Variants in RRH observed in about 807,000 individuals in gnomAD.
RRH encodes retinal pigment epithelium-derived rhodopsin homolog, also known as visual pigment-like receptor peropsin.
In RRH, 36 loss-of-function variants were observed where a neutral mutation model predicts 33.1. That is an observed-to-expected ratio of 1.09 (90% CI 0.83 to 1.44). The LOEUF is 1.44. Ranked by LOEUF, RRH falls within the 40% of genes most tolerant of loss-of-function variation. RRH has a pLI of 0.00. For synonymous variants in RRH, 124 were observed against 140.2 expected (o/e 0.88, Z 0.82); for missense variants, 393 against 420.2 (o/e 0.94, Z 0.57).
intron 6 of RRH, among the ~76,000 whole-genome samples, chr4:109,842,946 GT>G: frequency 6.6e-6 from 1 of 152,296 alleles, no homozygotes; most frequent in East Asian, 1.9e-4. Context: ...AGCCTGGGAT[GT>G]CAGTGGTCAG....
chr4:109,841,589 A>C (rs1327317985), intron 5 of RRH, among the ~76,000 whole-genome samples: 1 of 152,070 alleles, frequency 6.6e-6, no homozygotes, highest in Non-Finnish European at 1.5e-5. Context: ...GTTTTCTGGT[A>C]CCCTTTGTTA....
chr4:109,844,328 A>G lies in RRH; in HGVS notation c.*131A>G. The stretch of plus-strand genomic sequence containing the variant: ...ATGAGAGTGTAAGCTCCTCAAGCAC[A>G]GCTCGTGCTTCTGTTTGTGCACTCT... On this transcript the variant is annotated 3_prime_UTR_variant, in exon 7 of 7. Coordinates refer to ENST00000317735, the MANE Select transcript of RRH (RefSeq NM_006583.5). The G allele has an allele frequency of 1.5e-6, 1 of 652,488 alleles. No homozygotes were observed. The highest frequency in any genetic ancestry group is 2.1e-5 in the Admixed American group (1 of 46,812). 40.4% of individuals were successfully genotyped at this position (652,488 alleles called of 1,614,324 possible). A position where few individuals can be genotyped will look rare whatever the true frequency, so the allele number is the denominator to read the frequency against.
rs377627094 is a variant in RRH, at chr4:109,839,501, G to A, written c.720+1896G>A. Among the ~76,000 whole-genome samples, 11 of 152,132 alleles carry A rather than the reference G, an allele frequency of 7.2e-5. 1 individual carries two copies. Among genetic ancestry groups the A allele is most frequent in the East Asian group, 3.9e-4 (2 of 5,168 alleles). ...AAGTTCAGGGGTACATGTGCATGAC[G>A]TGTAGGTTTGTTACATAGGTAAACG... On this transcript the variant is annotated intron_variant, in intron 5 of 6. Transcript: ENST00000317735.
At position 109,842,657 on chromosome 4, in the gene RRH, G is replaced by A. The variant is rs764150616; in HGVS notation, c.899+10G>A. 2.5e-6 allele frequency: 4 copies of A among 1,603,156 alleles called. No individual in the cohort carries two copies. Among genetic ancestry groups the A allele is most frequent in the African/African-American group, 1.3e-5 (1 of 74,762 alleles). The stretch of plus-strand genomic sequence containing the variant: ...TGGTTGCTAATAAAAAGTAAGTAAT[G>A]TCTAAAATGCTTGCAGTACAAAATA... On this transcript the variant is annotated intron_variant, in intron 6 of 6. Transcript: ENST00000317735.
chr4:109,837,246 T>C (rs1733903026), intron 4 of RRH, among the ~76,000 whole-genome samples, 191 bp from the exon 5 acceptor site: 1 of 152,204 alleles, frequency 6.6e-6, no homozygotes, highest in African/African-American at 2.4e-5. Flanking sequence ...AGATGAGTGA[T>C]AGGCTGAAAT....
At chr4:109,828,654 T>C (rs1733686972) in intron 1 of RRH, among the ~76,000 whole-genome samples, 2 of 152,098 alleles carry the variant, frequency 1.3e-5, no homozygotes, top group Admixed American at 6.5e-5. Context: ...GCAGGGTATA[T>C]TGTCATTGAG....
At chr4:109,834,660 T>C (rs1187893396) in intron 2 of RRH, among the ~76,000 whole-genome samples, 1 of 151,790 alleles carries the variant, frequency 6.6e-6, no homozygotes, top group Non-Finnish European at 1.5e-5. Context: ...TTTTTTTCTG[T>C]CACAGATAAG....
rs1477877028 is a variant in RRH, at chr4:109,843,981, A to C, written c.900-102A>C. 3 of 758,230 alleles carry C rather than the reference A, an allele frequency of 4.0e-6. No individual in the cohort carries two copies. The African/African-American group carries it at 5.2e-5, about 13-fold the overall frequency. The allele number at this position is 758,230 out of a possible 1,614,324, so 47.0% of individuals were successfully genotyped here. ...AAGTTGGAGGCAGAAATTTATCCAG[A>C]GATGTAAATTGGCAGTAGTGGCATC... On this transcript the variant is annotated intron_variant, in intron 6 of 6. Transcript: ENST00000317735.
Position 109,844,388 on chromosome 4 carries a change from A to G in RRH, c.*191A>G. 2.0e-6 allele frequency: 1 copy of G among 498,602 alleles called. No individual in the cohort carries two copies. The highest frequency in any genetic ancestry group is 3.7e-6 in the Non-Finnish European group (1 of 273,406). The allele number at this position is 498,602 out of a possible 1,614,324, so 30.9% of individuals were successfully genotyped here. A position where few individuals can be genotyped will look rare whatever the true frequency, so the allele number is the denominator to read the frequency against. ...AGTGTATGCTTCTCTGTGTCCTGAT[A>G]TATCAACTTATTGCTCATCTCCTTT... is the stretch of plus-strand genomic sequence containing the variant. On this transcript the variant is annotated 3_prime_UTR_variant, in exon 7 of 7. Coordinates refer to ENST00000317735, the MANE Select transcript of RRH (RefSeq NM_006583.5).
chr4:109,836,005 A>G lies in RRH; in HGVS notation c.398-2A>G, dbSNP rs774150724. On this transcript the variant is annotated splice_acceptor_variant, in intron 3 of 6. Transcript: ENST00000317735. LOFTEE classifies it high-confidence loss of function. ...GCTAATATTTCCTGTGCTTGATAAT[A>G]GGGAGAAGAATGACCACCAACACTT... 8.1e-6 allele frequency: 13 copies of G among 1,614,056 alleles called. No homozygotes were observed. The highest frequency in any genetic ancestry group is 1.3e-5 in the African/African-American group (1 of 74,928).
chr4:109,828,260 C>T, intron 1 of RRH, 127 bp downstream of exon 1: 3 of 665,230 alleles, frequency 4.5e-6, no homozygotes, highest in South Asian at 3.1e-5. Context: ...TTTATCCTGA[C>T]TTGGCTTGCT....
In RRH at chr4:109,836,310, C is replaced by T. The variant is rs111511482; in HGVS notation, c.551+150C>T. The T allele has an allele frequency of 3.1e-3, 2,652 of 858,650 alleles. 29 individuals carry two copies. The highest frequency in any genetic ancestry group is 0.021 in the South Asian group (1,418 of 67,706). The allele number at this position is 858,650 out of a possible 1,614,324, so 53.2% of individuals were successfully genotyped here. ...GATGATGTGATTCTCAGTTCAAAGACGGAATTGAGAAAAGTGACTTATGCT... is the reference window on the plus strand; with the variant it reads ...GATGATGTGATTCTCAGTTCAAAGATGGAATTGAGAAAAGTGACTTATGCT... On this transcript the variant is annotated intron_variant, in intron 4 of 6. Coordinates refer to ENST00000317735, the MANE Select transcript of RRH (RefSeq NM_006583.5).
intron 1 of RRH, 99 bp downstream of exon 1, chr4:109,828,232 G>A (rs893733805): frequency 8.9e-6 from 7 of 790,040 alleles, no homozygotes; most frequent in Non-Finnish European, 1.3e-5. Flanking sequence ...CATATTATTG[G>A]CCAACCTTGA....
intron 1 of RRH, among the ~76,000 whole-genome samples, chr4:109,831,275 A>G (rs1320491256): frequency 6.6e-6 from 1 of 152,166 alleles, no homozygotes; most frequent in African/African-American, 2.4e-5. Context: ...ACATGCTACA[A>G]TCCTAGATGC....
rs765492743 is a variant in RRH at position 109,836,157 on chromosome 4, A to G, written c.548A>G (p.Asp183Gly). The change falls in exon 4 of 7, where the codon GAT (aspartate) becomes GGT (glycine). Residue 183 changes from aspartate to glycine, a missense_variant. Coordinates refer to ENST00000317735, the MANE Select transcript of RRH (RefSeq NM_006583.5). ...ATCTINWRKN[D>G]RSFVSYTMTV... ...TGTACCATAAACTGGAGGAAAAATG[A>G]TAGGTAAGAGACAAGTTTACACTTT... 3.1e-6 allele frequency: 5 copies of G among 1,613,968 alleles called. No homozygotes were observed. The highest frequency in any genetic ancestry group is 1.1e-5 in the South Asian group (1 of 91,084).
intron 6 of RRH, among the ~76,000 whole-genome samples, chr4:109,843,499 G>A (rs771143584): frequency 3.9e-5 from 6 of 152,204 alleles, no homozygotes; most frequent in Non-Finnish European, 5.9e-5. Context: ...GTGAGCCACC[G>A]CGTCCAGCCG....
At chr4:109,841,112 T>G (rs1733974380) in intron 5 of RRH, among the ~76,000 whole-genome samples, 2 of 152,156 alleles carry the variant, frequency 1.3e-5, no homozygotes, top group African/African-American at 2.4e-5. Context: ...GTAAAGGAGC[T>G]CTCTTGTATC....
At position 109,839,068 on chromosome 4, in the gene RRH, A is replaced by G. The variant is rs143627457; in HGVS notation, c.720+1463A>G. On this transcript the variant is annotated intron_variant, in intron 5 of 6. Coordinates refer to ENST00000317735, the MANE Select transcript of RRH (RefSeq NM_006583.5). ...CTAATTTTCTTAAATTTTCTCTCCT[A>G]TATTGTCTATTTTTGTTTGTTTCTT... Among the ~76,000 whole-genome samples the G allele has an allele frequency of 1.0e-3, 151 of 144,626 alleles. 1 individual carries two copies. Among genetic ancestry groups the G allele is most frequent in the African/African-American group, 4.2e-3 (145 of 34,768 alleles). 94.9% of individuals were successfully genotyped at this position (144,626 alleles called of 152,430 possible).
intron 4 of RRH, 144 bp downstream of exon 4, chr4:109,836,304 C>A: frequency 1.1e-6 from 1 of 887,938 alleles, no homozygotes; most frequent in Non-Finnish European, 1.8e-6. Flanking sequence ...ATTCTCAGTT[C>A]AAAGACGGAA....
Sources: gnomAD v4.1 joint callset for allele counts (sites outside exome capture counted in the v4.1 genomes callset) on GRCh38, gnomAD v4.1.1 for gene constraint, MANE v1.5 for transcripts, NCBI Gene and HGNC (gene_info 2026-07-23, HGNC 2026-07-21) for gene names.